DNAH3: variants seen among roughly 807,000 people sequenced by gnomAD.
DNAH3 encodes axonemal beta dynein heavy chain 3.
In DNAH3, 332 loss-of-function variants were observed where a neutral mutation model predicts 432.5. The observed-to-expected ratio is 0.77, with a 90% CI of 0.70 to 0.84. The LOEUF is 0.84. Ranked by LOEUF, DNAH3 falls within the 40% of genes least tolerant of loss-of-function variation. The pLI, the probability that DNAH3 is intolerant of heterozygous loss-of-function variation, is 0.00. For synonymous variants in DNAH3, 1,956 were observed against 1,900.2 expected (o/e 1.03, Z -0.76); for missense variants, 4,861 against 5,114.0 (o/e 0.95, Z 1.51).
intron 41 of DNAH3, chr16:21,019,350 G>T: frequency 2.4e-6 from 1 of 418,900 alleles, no homozygotes; most frequent in South Asian, 2.5e-5. Context: ...AATAGAGACG[G>T]GGTTTCACCA....
intron 31 of DNAH3, among the ~76,000 whole-genome samples, chr16:21,042,969 G>T (rs330147): frequency 6.6e-6 from 1 of 151,658 alleles, no homozygotes. Context: ...ATGATTTCCA[G>T]TTTCATCCAT....
chr16:20,975,464 C>A (rs2085544851), intron 50 of DNAH3, 49 bp from the exon 51 acceptor site: 1 of 1,545,882 alleles, frequency 6.5e-7, no homozygotes, highest in Non-Finnish European at 8.8e-7. Context: ...CTGAAAATGG[C>A]AAAGTAGACA....
intron 20 of DNAH3, among the ~76,000 whole-genome samples, chr16:21,081,311 C>G (rs1275865164): frequency 1.3e-5 from 2 of 151,246 alleles, no homozygotes; most frequent in Non-Finnish European, 2.9e-5. Context: ...GAAACCGAGG[C>G]ACAGAAAGGC....
At chr16:21,123,412 T>C (rs931271545) in intron 9 of DNAH3, among the ~76,000 whole-genome samples, 2 of 152,310 alleles carry the variant, frequency 1.3e-5, no homozygotes, top group Non-Finnish European at 2.9e-5. Context: ...TCCCCCCTAT[T>C]TTCCAGACAC....
chr16:20,941,973 G>A (rs12444069), intron 58 of DNAH3, among the ~76,000 whole-genome samples: 15 of 152,120 alleles, frequency 9.9e-5, no homozygotes, highest in Admixed American at 8.5e-4. Flanking sequence ...GCTGAAGCAG[G>A]AGAATCACTT....
intron 18 of DNAH3, among the ~76,000 whole-genome samples, chr16:21,092,909 A>G (rs1238352747): frequency 6.6e-6 from 1 of 152,140 alleles, no homozygotes; most frequent in Non-Finnish European, 1.5e-5. Context: ...AGGAACTACA[A>G]ATTAAAAAAC....
intron 5 of DNAH3, 166 bp from the exon 7 acceptor site, chr16:21,136,679 A>C: frequency 1.5e-6 from 1 of 645,560 alleles, no homozygotes; most frequent in Non-Finnish European, 2.7e-6. Flanking sequence ...CATGGCAAGA[A>C]GATCACTGGC....
intron 24 of DNAH3, among the ~76,000 whole-genome samples, chr16:21,067,078 T>C (rs903674925): frequency 6.6e-6 from 1 of 152,204 alleles, no homozygotes. Flanking sequence ...ACGTGTGCAT[T>C]TGACACCCAT....
chr16:21,154,404 C>CA (rs34973143), intron 1 of DNAH3, among the ~76,000 whole-genome samples: 68,532 of 146,214 alleles, frequency 0.47, 16,036 homozygotes, highest in East Asian at 0.76. Context: ...GACTCTGTCT[C>CA]AAAAAAAAAA....
intron 41 of DNAH3, among the ~76,000 whole-genome samples, chr16:21,010,640 C>T (rs1352628037): frequency 6.6e-6 from 1 of 152,068 alleles, no homozygotes; most frequent in Non-Finnish European, 1.5e-5. Flanking sequence ...CATGAAAATC[C>T]TAGAAAACAA....
chr16:20,977,530 A>C (rs528477992), intron 50 of DNAH3, among the ~76,000 whole-genome samples: 2 of 152,300 alleles, frequency 1.3e-5, no homozygotes, highest in South Asian at 4.1e-4. Context: ...ATTTGGAGAC[A>C]GTTTTCATGA....
intron 41 of DNAH3, among the ~76,000 whole-genome samples, chr16:21,016,567 T>C (rs2087867080): frequency 6.6e-6 from 1 of 152,176 alleles, no homozygotes; most frequent in African/African-American, 2.4e-5. Flanking sequence ...GGTGGGAAGG[T>C]ACAATGTTGC....
intron 12 of DNAH3, among the ~76,000 whole-genome samples, chr16:21,114,578 G>A (rs2092144028): frequency 6.6e-6 from 1 of 152,114 alleles, no homozygotes; most frequent in South Asian, 2.1e-4. Flanking sequence ...CAAAAAGTGG[G>A]CGAAGGATAT....
rs567025466 is a variant in DNAH3 at position 20,974,022 on chromosome 16, TTTTG to T, written c.8259+1207_8259+1210del. On this transcript the variant is annotated intron_variant, in intron 51 of 61. Coordinates refer to ENST00000261383, the Ensembl canonical transcript of DNAH3. Reference sequence around the variant, plus strand: ...CATGAGGTCAAAACATATTGGGTCTTTTTGTTTGTTTGTTTTTGAGACTGGGTCT... The same window carrying T: ...CATGAGGTCAAAACATATTGGGTCTTTTTGTTTGTTTTTGAGACTGGGTCT... Among the ~76,000 whole-genome samples the T allele has an allele frequency of 9.3e-4, 142 of 151,996 alleles. 1 individual carries two copies. The highest frequency in any genetic ancestry group is 1.6e-3 in the Non-Finnish European group (112 of 67,932).
intron 16 of DNAH3, among the ~76,000 whole-genome samples, chr16:21,100,943 AT>A (rs1172373015): frequency 2.0e-5 from 3 of 152,120 alleles, no homozygotes; most frequent in Admixed American, 2.0e-4. Context: ...ATTGTTTCTA[AT>A]TTCTTATAAT....
exon 50 of DNAH3, chr16:20,979,374 G>T: frequency 6.2e-7 from 1 of 1,614,134 alleles, no homozygotes; most frequent in Non-Finnish European, 8.5e-7. Context: ...GTCAGGTAGC[G>T]GTTCCTCATC....
At chr16:20,985,348 G>T in exon 48 of DNAH3, 1 of 1,614,200 alleles carries the variant, frequency 6.2e-7, no homozygotes, top group Non-Finnish European at 8.5e-7. Context: ...GTCATTGCCT[G>T]CGTAGTTCTT....
chr16:21,111,628 G>A, exon 14 of DNAH3: 1 of 1,610,098 alleles, frequency 6.2e-7, no homozygotes, highest in Non-Finnish European at 8.5e-7. Context: ...TACAATACCT[G>A]GTATTGGTGT....
chr16:20,965,041 G>A (rs1480818424), exon 53 of DNAH3: 7 of 1,613,900 alleles, frequency 4.3e-6, no homozygotes, highest in Non-Finnish European at 3.4e-6. Context: ...CTTTTTCTTG[G>A]TGTTCATCTC....
Sources: allele counts gnomAD v4.1 joint callset (sites outside exome capture counted in the v4.1 genomes callset), GRCh38; gene constraint gnomAD v4.1.1; transcripts MANE v1.5; gene names NCBI Gene and HGNC (gene_info 2026-07-23, HGNC 2026-07-21).